Variants in HDAC2 observed in about 807,000 individuals in gnomAD.
HDAC2 encodes the protein histone deacetylase 2.
In HDAC2, 5 loss-of-function variants were observed where a neutral mutation model predicts 68.5. The ratio of observed to expected loss-of-function variants is 0.07; its 90% CI spans 0.04 to 0.15. The LOEUF (loss-of-function observed/expected upper bound fraction) is 0.15. Ranked by LOEUF, HDAC2 falls within the 10% of genes least tolerant of loss-of-function variation. The pLI is 1.00. For synonymous variants in HDAC2, 182 were observed against 191.3 expected (o/e 0.95, Z 0.40); for missense variants, 291 against 600.8 (o/e 0.48, Z 5.39).
In HDAC2 at chr6:113,937,905, T is replaced by C. The variant is rs1776040770; in HGVS notation, c.*3153A>G. The C allele has an allele frequency of 6.6e-6, 1 of 152,230 alleles. No homozygotes were observed. The highest frequency in any genetic ancestry group is 6.5e-5 in the Admixed American group (1 of 15,286). The allele number at this position is 152,230 out of a possible 1,614,324, so 9.4% of individuals were successfully genotyped here. On this transcript the variant is annotated 3_prime_UTR_variant, in exon 14 of 14. Transcript: ENST00000519065. ...GCTCACACCTGTAATCCCAGCACTT[T>C]GGAAGGCCAAGGTGGGTGGATCATG...
intron 10 of HDAC2, 132 bp downstream of exon 10, chr6:113,945,226 CTTAA>C (rs1776241270): frequency 2.5e-6 from 1 of 395,148 alleles, no homozygotes; most frequent in African/African-American, 2.1e-5. Context: ...TAATCAGTAA[CTTAA>C]TGTTTCAAAT....
intron 5 of HDAC2, among the ~76,000 whole-genome samples, chr6:113,953,941 TAA>T (rs1236915338): frequency 2.0e-5 from 3 of 152,228 alleles, no homozygotes; most frequent in African/African-American, 7.2e-5. Context: ...TCAGTGTCCA[TAA>T]AAAAAGTTTT....
intron 6 of HDAC2, among the ~76,000 whole-genome samples, chr6:113,950,175 C>A (rs142870278): frequency 1.3e-5 from 2 of 152,042 alleles, no homozygotes; most frequent in South Asian, 2.1e-4. Context: ...TCTCAAAAGA[C>A]GCAAAGGTTC....
chr6:113,970,784 C>T (rs1199911871), intron 1 of HDAC2, 73 bp downstream of exon 1: 1 of 1,442,542 alleles, frequency 6.9e-7, no homozygotes. Context: ...CCCCGGCGCC[C>T]ACTCGCGACG....
intron 1 of HDAC2, among the ~76,000 whole-genome samples, chr6:113,962,146 T>C (rs1307122870): frequency 6.6e-6 from 1 of 151,966 alleles, no homozygotes; most frequent in Non-Finnish European, 1.5e-5. Context: ...CACTATTAAG[T>C]ACTTCACATA....
At chr6:113,956,874 A>C (rs1405899237) in intron 3 of HDAC2, 181 bp from the exon 4 acceptor site, 1 of 538,544 alleles carries the variant, frequency 1.9e-6, no homozygotes, top group Non-Finnish European at 3.3e-6. Flanking sequence ...AAGGTAATTA[A>C]AGTGTTATCT....
chr6:113,935,121 T>C lies in HDAC2; in HGVS notation c.*5937A>G, dbSNP rs547160278. ...TATCTACCACAGGGCCACACAACAG[T>C]GCCCTCTTAAGCCCCTTAATTTCAC... On this transcript the variant is annotated 3_prime_UTR_variant, in exon 14 of 14. Transcript: ENST00000519065. 28 of 152,290 alleles carry C rather than the reference T, an allele frequency of 1.8e-4. No individual in the cohort carries two copies. Among genetic ancestry groups the C allele is most frequent in the African/African-American group, 5.8e-4 (24 of 41,558 alleles). 9.4% of individuals were successfully genotyped at this position (152,290 alleles called of 1,614,324 possible). A position where few individuals can be genotyped will look rare whatever the true frequency, so the allele number is the denominator to read the frequency against.
chr6:113,951,055 C>T (rs1356866762), intron 6 of HDAC2, among the ~76,000 whole-genome samples: 2 of 152,172 alleles, frequency 1.3e-5, no homozygotes, highest in East Asian at 1.9e-4. Flanking sequence ...TATTTTGACC[C>T]TAAGATTTCA....
At chr6:113,970,809 C>G (rs1345366709) in intron 1 of HDAC2, 48 bp downstream of exon 1, 2 of 1,490,430 alleles carry the variant, frequency 1.3e-6, no homozygotes, top group African/African-American at 1.4e-5. Context: ...CCGCGGAACC[C>G]AGCGCCCGGC....
intron 8 of HDAC2, chr6:113,948,194 C>T (rs1023931966): frequency 6.6e-6 from 1 of 152,174 alleles, no homozygotes; most frequent in African/African-American, 2.4e-5. Context: ...ATCCCCCACA[C>T]ACTTTTTATC....
At chr6:113,941,933 G>A (rs1409612203) in intron 12 of HDAC2, among the ~76,000 whole-genome samples, 168 bp from the exon 13 acceptor site, 1 of 152,034 alleles carries the variant, frequency 6.6e-6, no homozygotes, top group African/African-American at 2.4e-5. Flanking sequence ...AACGATGGCA[G>A]TACAAGCTAT....
intron 8 of HDAC2, 63 bp downstream of exon 8, chr6:113,948,916 G>T (rs371857674): frequency 6.4e-7 from 1 of 1,566,508 alleles, no homozygotes; most frequent in Non-Finnish European, 8.7e-7. Context: ...AACTTTTACG[G>T]GGAGTTCTTG....
Position 113,940,952 on chromosome 6 carries a change from C to A in HDAC2, c.*106G>T. On this transcript the variant is annotated 3_prime_UTR_variant, in exon 14 of 14. Coordinates refer to ENST00000519065, the MANE Select transcript of HDAC2 (RefSeq NM_001527.4). ...AAGCCATTTGAAAATAAATACAGTC[C>A]ATGCCAAAGTAGTATAAAATGAAGC... 5 of 796,834 alleles carry A rather than the reference C, an allele frequency of 6.3e-6. No individual in the cohort carries two copies. Among genetic ancestry groups the A allele is most frequent in the Non-Finnish European group, 1.0e-5 (5 of 498,136 alleles). The allele number at this position is 796,834 out of a possible 1,614,324, so 49.4% of individuals were successfully genotyped here. A position where few individuals can be genotyped will look rare whatever the true frequency, so the allele number is the denominator to read the frequency against.
At position 113,944,288 on chromosome 6, in the gene HDAC2, C is replaced by A; in HGVS notation, c.1214G>T (p.Arg405Ile). The A allele has an allele frequency of 1.2e-6, 2 of 1,611,722 alleles. No homozygotes were observed. Among genetic ancestry groups the A allele is most frequent in the Non-Finnish European group, 1.7e-6 (2 of 1,178,252 alleles). ...TAAAGGCATTATCTTACTAGAAATT[C>A]TCTTGTCTGGATCTTCTCCATCTTC... ...GDEDGEDPDK[R>I]ISIRASDKRI... The change falls in exon 11 of 14, where the codon AGA becomes ATA. Residue 405 changes from arginine to isoleucine, a missense_variant. Physicochemically the swap from Arg to Ile is moderately conservative, Grantham distance 97 (BLOSUM62 -3). Coordinates refer to ENST00000519065, the MANE Select transcript of HDAC2 (RefSeq NM_001527.4).
intron 1 of HDAC2, among the ~76,000 whole-genome samples, chr6:113,967,597 A>G (rs1375854330): frequency 6.6e-6 from 1 of 152,242 alleles, no homozygotes; most frequent in Non-Finnish European, 1.5e-5. Flanking sequence ...TATAAACCCT[A>G]TTATACTGTA....
chr6:113,965,530 A>G (rs2499619), intron 1 of HDAC2, among the ~76,000 whole-genome samples: 151,215 of 152,122 alleles, frequency 0.99, 75,168 homozygotes, highest in Middle Eastern at 1. Flanking sequence ...CACCATGCCC[A>G]GCTAACTTTT....
rs775155393 is a variant in HDAC2, at chr6:113,940,058, A to T, written c.*1000T>A. 1 of 152,180 alleles carries T rather than the reference A, an allele frequency of 6.6e-6. No homozygotes were observed. 9.4% of individuals were successfully genotyped at this position (152,180 alleles called of 1,614,324 possible). ...CTTCTTTGCACATCTTAGTAGCAGG[A>T]GTTACCCCCATTTGTCTGCTTCCTG... On this transcript the variant is annotated 3_prime_UTR_variant, in exon 14 of 14. Coordinates refer to ENST00000519065, the MANE Select transcript of HDAC2 (RefSeq NM_001527.4).
chr6:113,946,576 G>A (rs1776268175), intron 8 of HDAC2: 1 of 152,858 alleles, frequency 6.5e-6, no homozygotes, highest in African/African-American at 2.4e-5. Context: ...ATTATGGAAA[G>A]CTAAACAACA....
chr6:113,960,846 T>C (rs1776666823), intron 1 of HDAC2, among the ~76,000 whole-genome samples: 1 of 152,076 alleles, frequency 6.6e-6, no homozygotes, highest in Non-Finnish European at 1.5e-5. Flanking sequence ...AACTGCAGAC[T>C]GAAAATATTT....
Sources: gnomAD v4.1 joint callset for allele counts (sites outside exome capture counted in the v4.1 genomes callset) on GRCh38, gnomAD v4.1.1 for gene constraint, MANE v1.5 for transcripts, NCBI Gene and HGNC (gene_info 2026-07-23, HGNC 2026-07-21) for gene names.